The following ANKRD12 variants were observed in gnomAD, a reference collection of about 807,000 sequenced individuals.
ANKRD12 encodes ankyrin repeat domain-containing protein 12.
Under a neutral mutation model 183.4 loss-of-function variants are expected in ANKRD12, and 85 were observed. That is an observed-to-expected ratio of 0.46 (90% CI 0.39 to 0.56). The LOEUF (loss-of-function observed/expected upper bound fraction) is 0.56. Among genes scored for constraint, ANKRD12 ranks in the 20% least tolerant of loss-of-function variants. The probability of loss-of-function intolerance (pLI) is 0.00; values close to 1 mark genes in which losing one functional copy is unlikely to be tolerated. For missense variants in ANKRD12, 2,405 were observed against 2,357.1 expected, an observed-to-expected ratio of 1.02 and a Z score of -0.42; for synonymous variants, 914 against 800.2, an observed-to-expected ratio of 1.14 and a Z score of -2.40.
chr18:9,159,373 C>T (rs1156345042), intron 1 of ANKRD12, among the ~76,000 whole-genome samples: 1 of 152,164 alleles, frequency 6.6e-6, no homozygotes, highest in African/African-American at 2.4e-5. Flanking sequence ...CTGTCTGTAA[C>T]CTACCACCCC....
Position 9,258,015 on chromosome 18 carries a change from C to T in ANKRD12, c.4748C>T (p.Pro1583Leu), listed in dbSNP as rs774818423. 2 of 1,613,720 alleles carry T rather than the reference C, an allele frequency of 1.2e-6. No homozygotes were observed. Among genetic ancestry groups the T allele is most frequent in the Non-Finnish European group, 1.7e-6 (2 of 1,179,952 alleles). ...AACTTTGAGAAAGCTTATACTTTAC[C>T]TGTGTTACCATCAGAAAAGGACTTT... ...SPNFEKAYTLPVLPSEKDFNG... is the reference protein window; with the variant it reads ...SPNFEKAYTLLVLPSEKDFNG... Residue 1583 changes from proline to leucine, a missense_variant, in exon 9 of 13, where the codon CCT (proline) becomes CTT (leucine). Pro to Leu is a moderately conservative substitution (Grantham distance 98, BLOSUM62 -3). Around this residue, in one of 7 missense-constraint regions of ANKRD12, gnomAD observed 1,983 missense variants for 1,725.9 expected, o/e 1.15. Coordinates refer to ENST00000262126, the MANE Select transcript of ANKRD12 (RefSeq NM_015208.5).
chr18:9,158,158 C>T (rs2030881519), intron 1 of ANKRD12, among the ~76,000 whole-genome samples: 1 of 151,992 alleles, frequency 6.6e-6, no homozygotes, highest in Non-Finnish European at 1.5e-5. Context: ...TTTAGATGTA[C>T]AGAAAAACTG....
At chr18:9,239,545 CA>C in intron 8 of ANKRD12, 1 of 1,280,330 alleles carries the variant, frequency 7.8e-7, no homozygotes, top group African/African-American at 1.5e-5. Context: ...AGGAATGATA[CA>C]AAAATCATCA....
intron 2 of ANKRD12, among the ~76,000 whole-genome samples, chr18:9,186,813 G>A (rs894626931): frequency 4.0e-5 from 6 of 148,158 alleles, no homozygotes; most frequent in Admixed American, 6.8e-5. Flanking sequence ...GTGGAGTGGC[G>A]CGATCTCAGC....
In ANKRD12 at chr18:9,255,469, A is replaced by G. The variant is rs540767567; in HGVS notation, c.2202A>G (p.Lys734=). ...TGGAAAAAAACATCAAAGATGATAAATCAACCAAGGAAAAGCATGTGTCAA... is the reference window on the plus strand; with the variant it reads ...TGGAAAAAAACATCAAAGATGATAAGTCAACCAAGGAAAAGCATGTGTCAA... The part of the protein sequence containing the change: ...SKLEKNIKDD[K]STKEKHVSKE... Residue 734 remains lysine (K), a synonymous_variant, in exon 9 of 13, where the codon AAA becomes AAG. Coordinates refer to ENST00000262126, the MANE Select transcript of ANKRD12 (RefSeq NM_015208.5). The G allele has an allele frequency of 6.4e-7, 1 of 1,572,440 alleles. No homozygotes were observed. The highest frequency in any genetic ancestry group is 1.2e-5 in the South Asian group (1 of 82,572).
intron 1 of ANKRD12, among the ~76,000 whole-genome samples, chr18:9,141,932 T>C (rs1171477715): frequency 6.6e-6 from 1 of 152,190 alleles, no homozygotes; most frequent in East Asian, 1.9e-4. Context: ...GTTTTTTGTT[T>C]GTTTGTTTTT....
chr18:9,223,200 A>G (rs1317358598), intron 8 of ANKRD12, among the ~76,000 whole-genome samples: 1 of 151,460 alleles, frequency 6.6e-6, no homozygotes, highest in East Asian at 1.9e-4. Flanking sequence ...GGGCCAGATC[A>G]CTTGAGGCCG....
At chr18:9,187,441 C>T (rs932335212) in intron 2 of ANKRD12, among the ~76,000 whole-genome samples, 9 of 152,064 alleles carry the variant, frequency 5.9e-5, no homozygotes, top group East Asian at 5.8e-4. Flanking sequence ...AGTTCTCTTA[C>T]GTAAGTAGAG....
chr18:9,144,377 A>G (rs1357767790), intron 1 of ANKRD12, among the ~76,000 whole-genome samples: 2 of 152,220 alleles, frequency 1.3e-5, no homozygotes, highest in African/African-American at 2.4e-5. Flanking sequence ...AAACCCCAGA[A>G]GAATAGGCTC....
rs142392575 is a variant in ANKRD12, at chr18:9,201,369, A to G, written c.236-3107A>G. Among the ~76,000 whole-genome samples, 556 of 152,350 alleles carry G rather than the reference A, an allele frequency of 3.6e-3. 6 individuals carry two copies. The highest frequency in any genetic ancestry group is 0.013 in the African/African-American group (533 of 41,584). On this transcript the variant is annotated intron_variant, in intron 3 of 12. Coordinates refer to ENST00000262126, the MANE Select transcript of ANKRD12 (RefSeq NM_015208.5). Reference sequence around the variant, plus strand: ...CAAAATCTCTTAATGTGAAAGTGTTAAACAGCTGTCTTGAGGCTACATGTG... The same window carrying G: ...CAAAATCTCTTAATGTGAAAGTGTTGAACAGCTGTCTTGAGGCTACATGTG...
In ANKRD12 at chr18:9,141,291, T is replaced by G. The variant is rs187935554; in HGVS notation, c.-52+4326T>G. 6.0e-4 allele frequency among the ~76,000 whole-genome samples: 91 copies of G among 152,340 alleles called. 1 individual carries two copies. In the East Asian group the frequency reaches 0.015, roughly 25 times the overall value. On this transcript the variant is annotated intron_variant, in intron 1 of 12. Transcript: ENST00000262126. ...TACCAGATACAGAAAGGGCCATGGTTGTTCATATAATATGAGGCTATCCTA... is the reference window on the plus strand; with the variant it reads ...TACCAGATACAGAAAGGGCCATGGTGGTTCATATAATATGAGGCTATCCTA...
At chr18:9,146,115 T>C (rs1245101834) in intron 1 of ANKRD12, among the ~76,000 whole-genome samples, 1 of 152,244 alleles carries the variant, frequency 6.6e-6, no homozygotes, top group Non-Finnish European at 1.5e-5. Context: ...TCTTAGATTC[T>C]TAGAGTCCTT....
At chr18:9,166,055 A>AT (rs2032026472) in intron 1 of ANKRD12, among the ~76,000 whole-genome samples, 1 of 151,784 alleles carries the variant, frequency 6.6e-6, no homozygotes, top group South Asian at 2.1e-4. Flanking sequence ...TGAACTCATC[A>AT]TTTTTTATGG....
chr18:9,193,212 C>A (rs2034566871), intron 2 of ANKRD12, among the ~76,000 whole-genome samples: 1 of 149,250 alleles, frequency 6.7e-6, no homozygotes, highest in Non-Finnish European at 1.5e-5. Context: ...GAACATGGCT[C>A]ACTATAGCCT....
intron 10 of ANKRD12, among the ~76,000 whole-genome samples, chr18:9,273,808 G>A (rs2039713926): frequency 6.6e-6 from 1 of 152,196 alleles, no homozygotes; most frequent in South Asian, 2.1e-4. Flanking sequence ...CCAGAGCATT[G>A]AGATTACAGG....
intron 1 of ANKRD12, among the ~76,000 whole-genome samples, chr18:9,169,000 G>T (rs962235621): frequency 1.1e-4 from 16 of 152,110 alleles, no homozygotes; most frequent in African/African-American, 3.9e-4. Flanking sequence ...TCAGGAGCAG[G>T]TTGTTCAGTT....
chr18:9,137,537 G>A (rs1219570380), intron 1 of ANKRD12: 1 of 149,130 alleles, frequency 6.7e-6, no homozygotes, highest in African/African-American at 2.4e-5. Context: ...GCCGCCGAGC[G>A]TGCGCCGACG....
At chr18:9,178,493 C>T (rs1350825755) in intron 1 of ANKRD12, among the ~76,000 whole-genome samples, 1 of 112,912 alleles carries the variant, frequency 8.9e-6, no homozygotes, top group African/African-American at 3.4e-5. Flanking sequence ...CCGTTCTGTT[C>T]CGTTAATCTA....
rs2040195186 is a variant in ANKRD12, at chr18:9,285,177, C to A, written c.*4051C>A. 1 of 151,328 alleles carries A rather than the reference C, an allele frequency of 6.6e-6. No individual in the cohort carries two copies. The highest frequency in any genetic ancestry group is 6.6e-5 in the Admixed American group (1 of 15,212). The allele number at this position is 151,328 out of a possible 1,614,324, so 9.4% of individuals were successfully genotyped here. A position where few individuals can be genotyped will look rare whatever the true frequency, so the allele number is the denominator to read the frequency against. On this transcript the variant is annotated 3_prime_UTR_variant, in exon 13 of 13. Transcript: ENST00000262126. ...TGAGCCGAGATCGTGCCACTGCACT[C>A]CAGCCTGGGCGACAGAGCGAGACTC...
Sources: allele counts gnomAD v4.1 joint callset (sites outside exome capture counted in the v4.1 genomes callset), GRCh38; gene constraint gnomAD v4.1.1; regional missense constraint gnomAD v4.1.1; transcripts MANE v1.5; gene names NCBI Gene and HGNC (gene_info 2026-07-23, HGNC 2026-07-21).